Variants in NCALD observed in about 807,000 individuals in gnomAD.
NCALD encodes the protein neurocalcin-delta.
A neutral mutation model predicts 18.6 loss-of-function variants in NCALD; 10 were observed. The ratio of observed to expected loss-of-function variants is 0.54; its 90% CI spans 0.33 to 0.91. The LOEUF (loss-of-function observed/expected upper bound fraction) is 0.91, where lower values mean the gene tolerates loss of function less well. NCALD is among the 40% of genes least tolerant of loss of function. The pLI, the probability that NCALD is intolerant of heterozygous loss-of-function variation, is 0.03. For synonymous variants in NCALD, 88 were observed against 87.4 expected (o/e 1.01, Z -0.04); for missense variants, 184 against 247.6 (o/e 0.74, Z 1.72).
At chr8:101,911,857 T>C (rs943564401) in intron 3 of NCALD, among the ~76,000 whole-genome samples, 2 of 152,154 alleles carry the variant, frequency 1.3e-5, no homozygotes, top group Admixed American at 6.5e-5. Flanking sequence ...GACACAATGA[T>C]GACATGATCC....
chr8:101,790,740 A>C (rs962639209), intron 1 of NCALD, 122 bp downstream of exon 1: 7 of 152,216 alleles, frequency 4.6e-5, no homozygotes, highest in African/African-American at 1.7e-4. Flanking sequence ...GCTGCTTCAC[A>C]TTTTCCCCTT....
chr8:101,748,892 C>A (rs1339258218), intron 1 of NCALD, among the ~76,000 whole-genome samples: 1 of 152,188 alleles, frequency 6.6e-6, no homozygotes, highest in African/African-American at 2.4e-5. Flanking sequence ...AGGTTAGGCT[C>A]TCTCAAGGCC....
intron 1 of NCALD, among the ~76,000 whole-genome samples, chr8:101,783,397 G>A (rs1199488998): frequency 6.6e-6 from 1 of 152,166 alleles, no homozygotes; most frequent in African/African-American, 2.4e-5. Flanking sequence ...TGGGACAGCT[G>A]CCATTTTGGC....
chr8:101,873,763 A>G (rs1816113894), intron 4 of NCALD, among the ~76,000 whole-genome samples: 1 of 152,222 alleles, frequency 6.6e-6, no homozygotes, highest in Non-Finnish European at 1.5e-5. Flanking sequence ...AGCTTGGGGT[A>G]GATGGTGGGA....
chr8:102,071,685 G>T (rs1043028237), intron 1 of NCALD, among the ~76,000 whole-genome samples: 4 of 152,018 alleles, frequency 2.6e-5, no homozygotes, highest in Non-Finnish European at 5.9e-5. Context: ...AAAACAAATT[G>T]TATTTCTATA....
chr8:102,108,307 C>A (rs1825537433), intron 1 of NCALD, among the ~76,000 whole-genome samples: 1 of 152,178 alleles, frequency 6.6e-6, no homozygotes, highest in South Asian at 2.1e-4. Flanking sequence ...ATTTTTAGAT[C>A]CTGGTTGACC....
At chr8:101,810,534 A>T (rs1312851538) in intron 4 of NCALD, among the ~76,000 whole-genome samples, 2 of 152,238 alleles carry the variant, frequency 1.3e-5, no homozygotes, top group Non-Finnish European at 2.9e-5. Flanking sequence ...AGTTCTTAAC[A>T]TCAGGAGAAT....
At chr8:101,797,274 G>A (rs750250191) in intron 4 of NCALD, among the ~76,000 whole-genome samples, 87 of 152,038 alleles carry the variant, frequency 5.7e-4, no homozygotes, top group Non-Finnish European at 1.0e-3. Flanking sequence ...TCTATATACC[G>A]CCAAAAGGAT....
chr8:101,974,900 G>A (rs769336035), intron 2 of NCALD, among the ~76,000 whole-genome samples: 10 of 152,088 alleles, frequency 6.6e-5, no homozygotes, highest in Non-Finnish European at 1.2e-4. Flanking sequence ...AACAAAATAT[G>A]CCCCATCTAT....
At chr8:101,913,257 T>C (rs1400898103) in intron 3 of NCALD, among the ~76,000 whole-genome samples, 1 of 152,212 alleles carries the variant, frequency 6.6e-6, no homozygotes, top group Non-Finnish European at 1.5e-5. Context: ...ACACATGTCA[T>C]AATCCACTTT....
intron 2 of NCALD, among the ~76,000 whole-genome samples, chr8:101,697,360 A>G (rs1339462395): frequency 2.6e-5 from 4 of 152,238 alleles, no homozygotes; most frequent in Non-Finnish European, 4.4e-5. Flanking sequence ...AAATTCTACC[A>G]GAGATACAAA....
intron 4 of NCALD, among the ~76,000 whole-genome samples, chr8:101,859,278 C>T (rs1221857067): frequency 6.6e-6 from 1 of 152,188 alleles, no homozygotes; most frequent in Non-Finnish European, 1.5e-5. Flanking sequence ...TTGCCAGGGC[C>T]TCTTGGGCCT....
At chr8:101,703,518 C>G (rs1192320082) in intron 2 of NCALD, among the ~76,000 whole-genome samples, 4 of 152,106 alleles carry the variant, frequency 2.6e-5, no homozygotes, top group Non-Finnish European at 5.9e-5. Context: ...GCAGCAACCA[C>G]AAACCCAAAA....
intron 2 of NCALD, among the ~76,000 whole-genome samples, chr8:101,696,638 C>A (rs953234843): frequency 6.6e-6 from 1 of 152,164 alleles, no homozygotes; most frequent in East Asian, 1.9e-4. Context: ...ATTTCTCCAA[C>A]GAGCAACAAA....
At chr8:101,747,634 C>T (rs187773266) in intron 1 of NCALD, among the ~76,000 whole-genome samples, 1 of 152,242 alleles carries the variant, frequency 6.6e-6, no homozygotes, top group Admixed American at 6.5e-5. Context: ...TGGAAACAAC[C>T]ACAGTTGCAC....
intron 4 of NCALD, among the ~76,000 whole-genome samples, chr8:101,828,561 T>C (rs935805996): frequency 6.7e-6 from 1 of 149,264 alleles, no homozygotes; most frequent in Non-Finnish European, 1.5e-5. Flanking sequence ...ATTTCCTTCT[T>C]TTTTTTTTTT....
chr8:101,806,371 A>G (rs1418784375), intron 4 of NCALD, among the ~76,000 whole-genome samples: 1 of 152,152 alleles, frequency 6.6e-6, no homozygotes, highest in Non-Finnish European at 1.5e-5. Flanking sequence ...TATCTGTGAG[A>G]TGATTTAGAT....
chr8:102,097,407 C>A (rs1403293786), intron 1 of NCALD, among the ~76,000 whole-genome samples: 1 of 152,192 alleles, frequency 6.6e-6, no homozygotes, highest in Admixed American at 6.5e-5. Flanking sequence ...TCCCCCACAC[C>A]CAGTTCCAAC....
chr8:101,964,774 A>C (rs1819961492), intron 2 of NCALD, among the ~76,000 whole-genome samples: 1 of 152,212 alleles, frequency 6.6e-6, no homozygotes, highest in Non-Finnish European at 1.5e-5. Flanking sequence ...GGATTCGCCT[A>C]ATTTTGAAAG....
Sources: gnomAD v4.1 joint callset for allele counts (sites outside exome capture counted in the v4.1 genomes callset) on GRCh38, gnomAD v4.1.1 for gene constraint, MANE v1.5 for transcripts, NCBI Gene and HGNC (gene_info 2026-07-23, HGNC 2026-07-21) for gene names.